POLR1D: variants seen among roughly 807,000 people sequenced by gnomAD.
POLR1D encodes DNA-directed RNA polymerases I and III subunit RPAC2.
POLR1D carries 8 observed loss-of-function variants against 10.8 expected under a neutral mutation model. The observed-to-expected ratio is 0.74, with a 90% CI of 0.43 to 1.33. POLR1D has a LOEUF of 1.33. Among genes scored for constraint, POLR1D ranks in the 40% most tolerant of loss-of-function variants. The pLI is 0.01. For synonymous variants in POLR1D, 54 were observed against 57.2 expected (o/e 0.94, Z 0.25); for missense variants, 152 against 161.7 (o/e 0.94, Z 0.32).
At chr13:27,665,107 C>G (rs1435542078) in intron 2 of POLR1D, 1 of 154,722 alleles carries the variant, frequency 6.5e-6, no homozygotes, top group Non-Finnish European at 1.4e-5. Context: ...GTAAAGTGCT[C>G]CTCCACAGAG....
At chr13:27,639,122 C>T (rs545282214) in intron 1 of POLR1D, among the ~76,000 whole-genome samples, 2 of 152,202 alleles carry the variant, frequency 1.3e-5, no homozygotes, top group African/African-American at 4.8e-5. Flanking sequence ...GTATTGGCTC[C>T]CTTCCACACC....
intron 2 of POLR1D, among the ~76,000 whole-genome samples, chr13:27,661,529 TGACA>T (rs147425381): frequency 0.033 from 4,948 of 152,216 alleles, 128 homozygotes; most frequent in Non-Finnish European, 0.053. Context: ...GCATAGACAG[TGACA>T]GACAGTGCAG....
At chr13:27,630,961 A>G (rs561156833) in intron 1 of POLR1D, among the ~76,000 whole-genome samples, 125 of 152,134 alleles carry the variant, frequency 8.2e-4, no homozygotes, top group African/African-American at 3.0e-3. Flanking sequence ...TAACATTGCC[A>G]TTTCAGGGCC....
chr13:27,665,788 C>T (rs1385569397), exon 3 of POLR1D: 4 of 1,613,686 alleles, frequency 2.5e-6, no homozygotes, highest in Admixed American at 3.3e-5. Context: ...AAAAAGAGGG[C>T]GATAAGGAAC....
chr13:27,652,560 C>A (rs1019750667), intron 2 of POLR1D, among the ~76,000 whole-genome samples: 1 of 152,184 alleles, frequency 6.6e-6, no homozygotes, highest in African/African-American at 2.4e-5. Flanking sequence ...AAGGAAGGCA[C>A]ACCCCTTTCC....
chr13:27,627,267 ACTG>A (rs1956020757), downstream of POLR1D, among the ~76,000 whole-genome samples: 1 of 149,526 alleles, frequency 6.7e-6, no homozygotes, highest in Non-Finnish European at 1.5e-5. Flanking sequence ...TGGTACAGTT[ACTG>A]CGTGGGTCTG....
chr13:27,662,361 C>CG (rs1371820142), intron 2 of POLR1D, among the ~76,000 whole-genome samples: 1 of 130,322 alleles, frequency 7.7e-6, no homozygotes, highest in African/African-American at 3.7e-5. Flanking sequence ...ATGTACTAGA[C>CG]ACCCCCCCCA....
At chr13:27,661,586 A>C (rs1956364444) in intron 2 of POLR1D, among the ~76,000 whole-genome samples, 1 of 152,174 alleles carries the variant, frequency 6.6e-6, no homozygotes, top group South Asian at 2.1e-4. Context: ...GCTCAATTTC[A>C]GGGCTCAGAT....
At chr13:27,622,252 A>G in intron 1 of POLR1D, 1 of 588,482 alleles carries the variant, frequency 1.7e-6, no homozygotes, top group Non-Finnish European at 3.0e-6. Context: ...CACCCCCGTT[A>G]CAACAGCAGT....
chr13:27,624,284 T>C (rs1032856548), downstream of POLR1D, among the ~76,000 whole-genome samples: 1 of 152,210 alleles, frequency 6.6e-6, no homozygotes. Flanking sequence ...TTGGTAGTGC[T>C]TATCTTGTTT....
intron 1 of POLR1D, among the ~76,000 whole-genome samples, chr13:27,643,553 G>A (rs9554085): frequency 0.81 from 123,490 of 152,118 alleles, 50,732 homozygotes; most frequent in East Asian, 0.93. Flanking sequence ...TACTGGCAGT[G>A]TGAACCTATA....
chr13:27,621,948 C>A lies in POLR1D; in HGVS notation c.-36C>A. 6.3e-7 allele frequency: 1 copy of A among 1,581,870 alleles called. No homozygotes were observed. The highest frequency in any genetic ancestry group is 1.8e-5 in the Admixed American group (1 of 54,482). ...GCTATGGGACAGAGCCCCCGATCCGCCAGCACCACCTGAGGATCCAGAAAC... is the reference window on the plus strand; with the variant it reads ...GCTATGGGACAGAGCCCCCGATCCGACAGCACCACCTGAGGATCCAGAAAC... On this transcript the variant is annotated 5_prime_UTR_variant, in exon 1 of 2. Transcript: ENST00000302979.
intron 1 of POLR1D, among the ~76,000 whole-genome samples, chr13:27,635,251 A>G (rs1232536452): frequency 2.0e-5 from 3 of 152,202 alleles, no homozygotes; most frequent in Non-Finnish European, 4.4e-5. Context: ...AAACGTTATT[A>G]GTATTATCTT....
intron 2 of POLR1D, among the ~76,000 whole-genome samples, chr13:27,657,375 A>G (rs1386305703): frequency 6.6e-6 from 1 of 152,010 alleles, no homozygotes; most frequent in African/African-American, 2.4e-5. Flanking sequence ...ACTAAAATAC[A>G]AAAAATCAGC....
chr13:27,622,261 G>A lies in POLR1D; in HGVS notation c.26+252G>A, dbSNP rs114366700. On this transcript the variant is annotated intron_variant, in intron 1 of 1. Coordinates refer to ENST00000302979, the MANE Select transcript of POLR1D (RefSeq NM_015972.4). ...ACTGCCCACCCCCGTTACAACAGCA[G>A]TGTGTAAAAATCACGCCCCGGGCCT... 8.8e-3 allele frequency: 5,136 copies of A among 585,468 alleles called. 235 individuals are homozygous for A. The highest frequency in any genetic ancestry group is 0.086 in the African/African-American group (4,566 of 53,302). The allele number at this position is 585,468 out of a possible 1,614,324, so 36.3% of individuals were successfully genotyped here.
intron 1 of POLR1D, among the ~76,000 whole-genome samples, chr13:27,633,192 G>A (rs1043666102): frequency 5.3e-5 from 8 of 152,172 alleles, no homozygotes; most frequent in African/African-American, 1.9e-4. Context: ...CCAGGTAGAT[G>A]ATTCCAGAGG....
intron 1 of POLR1D, among the ~76,000 whole-genome samples, chr13:27,636,717 G>A (rs1386888936): frequency 2.0e-5 from 3 of 152,162 alleles, no homozygotes; most frequent in African/African-American, 7.2e-5. Flanking sequence ...AAATTATGCT[G>A]TTTGGATAAT....
rs1304198820 is a variant in POLR1D at position 27,663,233 on chromosome 13, AG to A, written c.102-2452del. 6.6e-6 allele frequency among the ~76,000 whole-genome samples: 1 copy of A among 151,934 alleles called. No homozygotes were observed. The highest frequency in any genetic ancestry group is 2.4e-5 in the African/African-American group (1 of 41,378). ...ATTGCCCTGCCCTATTTATTAGTAG[AG>A]TGTGAATGAGCACTTGTCATCACTT... On this transcript the variant is annotated intron_variant, in intron 2 of 2. Coordinates refer to the POLR1D transcript ENST00000399697. This position sits in a 1 kb window ranked among gnomAD's most constrained non-coding sequence, Gnocchi z 4.1.
intron 1 of POLR1D, chr13:27,648,296 C>T (rs952965121): frequency 3.5e-5 from 34 of 964,666 alleles, no homozygotes; most frequent in Middle Eastern, 2.1e-4. Flanking sequence ...AGTTCCTTTC[C>T]CAAGATCATG....
Sources: gnomAD v4.1 joint callset for allele counts (sites outside exome capture counted in the v4.1 genomes callset) on GRCh38, gnomAD v4.1.1 for gene constraint, Gnocchi (gnomAD v3.1) non-coding constraint, MANE v1.5 for transcripts, NCBI Gene and HGNC (gene_info 2026-07-23, HGNC 2026-07-21) for gene names.